DISP3: variants seen among roughly 807,000 people sequenced by gnomAD.
DISP3 encodes the protein protein dispatched homolog 3.
In DISP3, 101 loss-of-function variants were observed where a neutral mutation model predicts 135.3. The observed-to-expected ratio is 0.75, with a 90% CI of 0.64 to 0.88. DISP3 has a LOEUF of 0.88. DISP3 is among the 40% of genes least tolerant of loss of function. The pLI, the probability that DISP3 is intolerant of heterozygous loss-of-function variation, is 0.00. For synonymous variants in DISP3, 856 were observed against 817.0 expected (o/e 1.05, Z -0.81); for missense variants, 1,713 against 1,878.6 (o/e 0.91, Z 1.63).
At chr1:11,535,343 C>A in intron 19 of DISP3, 135 bp from the exon 20 acceptor site, 1 of 1,288,476 alleles carries the variant, frequency 7.8e-7, no homozygotes, top group South Asian at 1.4e-5. Context: ...CACCTGTCCC[C>A]TCCCTCAGGG....
At chr1:11,522,552 ACCCAGCCAGAG>A (rs1221573970) in intron 10 of DISP3, among the ~76,000 whole-genome samples, 5 of 125,728 alleles carry the variant, frequency 4.0e-5, no homozygotes, top group Admixed American at 8.6e-5. Context: ...CCCAGCCAGG[ACCCAGCCAGAG>A]CCCAGCCAGG....
In DISP3 at chr1:11,501,176, A is replaced by T. The variant is rs1470092482; in HGVS notation, c.184A>T (p.Ser62Cys). 10 of 1,613,762 alleles carry T rather than the reference A, an allele frequency of 6.2e-6. No individual in the cohort carries two copies. The highest frequency in any genetic ancestry group is 8.5e-6 in the Non-Finnish European group (10 of 1,179,942). The change falls in exon 2 of 21, where the codon AGT becomes TGT. Residue 62 changes from serine to cysteine, a missense_variant. Physicochemically the swap from Ser to Cys is moderately radical, Grantham distance 112. Coordinates refer to ENST00000294484, the MANE Select transcript of DISP3 (RefSeq NM_020780.2). The surrounding 1 kb of genome is among the most constrained non-coding windows in gnomAD (Gnocchi z 4.9). ...ASRPPASGFWSTLGWAFTNPC... is the reference protein window; with the variant it reads ...ASRPPASGFWCTLGWAFTNPC... The stretch of plus-strand genomic sequence containing the variant: ...CCGACCCCCAGCTTCGGGCTTCTGG[A>T]GTACCCTGGGCTGGGCCTTCACCAA...
rs1049853747 is a variant in DISP3, at chr1:11,491,167, C to T, written c.-3-9823C>T. 3.3e-5 allele frequency among the ~76,000 whole-genome samples: 5 copies of T among 152,272 alleles called. No homozygotes were observed. Among genetic ancestry groups the T allele is most frequent in the East Asian group, 1.9e-4 (1 of 5,178 alleles). On this transcript the variant is annotated intron_variant, in intron 1 of 20. Coordinates refer to ENST00000294484, the MANE Select transcript of DISP3 (RefSeq NM_020780.2). This position sits in a 1 kb window ranked among gnomAD's most constrained non-coding sequence, Gnocchi z 4.3. Reference sequence around the variant, plus strand: ...GACCTCCAGGGACACATGTGAGCCACGGTGGAGGGATGTGGGGAGGCCAAG... The same window carrying T: ...GACCTCCAGGGACACATGTGAGCCATGGTGGAGGGATGTGGGGAGGCCAAG...
chr1:11,479,378 T>A lies in DISP3; in HGVS notation c.-4+6T>A, dbSNP rs1031220138. The A allele has an allele frequency of 2.6e-5, 4 of 152,754 alleles. No individual in the cohort carries two copies. The highest frequency in any genetic ancestry group is 9.7e-5 in the African/African-American group (4 of 41,294). 9.5% of individuals were successfully genotyped at this position (152,754 alleles called of 1,614,324 possible). A position where few individuals can be genotyped will look rare whatever the true frequency, so the allele number is the denominator to read the frequency against. On this transcript the variant is annotated splice_donor_region_variant and intron_variant, in intron 1 of 20. Coordinates refer to ENST00000294484, the MANE Select transcript of DISP3 (RefSeq NM_020780.2). ...GCCCCGTTCGGCCGGCCGAGGTGAG[T>A]GCACGGCCGCGGGGCGCCATCCGGG...
At chr1:11,493,466 T>C (rs933879199) in intron 1 of DISP3, among the ~76,000 whole-genome samples, 5 of 152,236 alleles carry the variant, frequency 3.3e-5, no homozygotes, top group African/African-American at 1.2e-4. Flanking sequence ...GGCTCACTCC[T>C]GTAATCCTAG....
At chr1:11,517,945 G>A (rs566686977) in intron 7 of DISP3, among the ~76,000 whole-genome samples, 50 of 152,322 alleles carry the variant, frequency 3.3e-4, no homozygotes, top group Non-Finnish European at 4.7e-4. Flanking sequence ...TTAGTAGGCA[G>A]TAGAGCCTGG....
chr1:11,503,970 C>T (rs1367280071), intron 3 of DISP3, among the ~76,000 whole-genome samples: 1 of 152,116 alleles, frequency 6.6e-6, no homozygotes, highest in African/African-American at 2.4e-5. Context: ...GGTCCCTCCC[C>T]ACCAGAACAG....
chr1:11,526,298 C>T (rs967755850), intron 12 of DISP3, among the ~76,000 whole-genome samples: 1 of 152,236 alleles, frequency 6.6e-6, no homozygotes, highest in Non-Finnish European at 1.5e-5. Flanking sequence ...CCTCCTCTCC[C>T]TGCCATTTAT....
At chr1:11,514,673 A>T in intron 4 of DISP3, 147 bp downstream of exon 4, 1 of 1,169,936 alleles carries the variant, frequency 8.5e-7, no homozygotes, top group Non-Finnish European at 1.2e-6. Context: ...ATCATCTTCC[A>T]ACCCCAAACA....
chr1:11,524,078 G>A (rs780358590), intron 11 of DISP3, 23 bp downstream of exon 11: 3 of 1,539,130 alleles, frequency 1.9e-6, no homozygotes, highest in Admixed American at 3.3e-5. Flanking sequence ...GGTGGAGGGT[G>A]GGGAAATCCT....
chr1:11,510,142 G>C (rs530557480), intron 3 of DISP3, among the ~76,000 whole-genome samples: 1 of 152,168 alleles, frequency 6.6e-6, no homozygotes, highest in East Asian at 1.9e-4. Context: ...GATACTTTCT[G>C]CCTTTTACTT....
intron 3 of DISP3, among the ~76,000 whole-genome samples, chr1:11,508,817 AC>A (rs1282570691): frequency 1.3e-5 from 2 of 152,150 alleles, no homozygotes; most frequent in Admixed American, 1.3e-4. Context: ...TTTAAAATGT[AC>A]AATTAACTTA....
At chr1:11,508,089 CAT>C (rs200414992) in intron 3 of DISP3, among the ~76,000 whole-genome samples, 1,573 of 152,266 alleles carry the variant, frequency 0.01, 23 homozygotes, top group African/African-American at 0.036. Context: ...TTAGTTTTGA[CAT>C]GTGTGTATAC....
intron 1 of DISP3, among the ~76,000 whole-genome samples, chr1:11,486,281 T>G (rs111608325): frequency 0.016 from 2,360 of 152,228 alleles, 59 homozygotes; most frequent in African/African-American, 0.054. Context: ...TCTTGTGACT[T>G]CACAAAGGCA....
chr1:11,524,091 C>A, intron 11 of DISP3, 36 bp downstream of exon 11: 1 of 1,487,586 alleles, frequency 6.7e-7, no homozygotes. Context: ...GAAATCCTCC[C>A]TGGTGCTAGG....
In DISP3 at chr1:11,531,008, G is replaced by T; in HGVS notation, c.3204G>T (p.Pro1068=). The T allele has an allele frequency of 1.2e-6, 2 of 1,613,872 alleles. No individual in the cohort carries two copies. Among genetic ancestry groups the T allele is most frequent in the Non-Finnish European group, 1.7e-6 (2 of 1,179,988 alleles). Reference sequence around the variant, plus strand: ...CAGCCAACTCCGAGCTGGTGAAGCCGGGTGGGGCCCAGTGCCTGCCTTCAG... The same window carrying T: ...CAGCCAACTCCGAGCTGGTGAAGCCTGGTGGGGCCCAGTGCCTGCCTTCAG... ...AIAANSELVK[P]GGAQCLPSGY... The change falls in exon 16 of 21, where the codon CCG becomes CCT. Residue 1068 remains proline, a synonymous_variant. Transcript: ENST00000294484. This position sits in a 1 kb window ranked among gnomAD's most constrained non-coding sequence, Gnocchi z 5.2.
At position 11,483,065 on chromosome 1, in the gene DISP3, A is replaced by G. The variant is rs1423040988; in HGVS notation, c.-4+3693A>G. On this transcript the variant is annotated intron_variant, in intron 1 of 20. Coordinates refer to ENST00000294484, the MANE Select transcript of DISP3 (RefSeq NM_020780.2). The surrounding 1 kb of genome is among the most constrained non-coding windows in gnomAD (Gnocchi z 5.4). ...CGGCTCACGCTGCAGCTGCCCAACAAAGGCCGGAGGCATGGATGCTGCGGG... is the reference window on the plus strand; with the variant it reads ...CGGCTCACGCTGCAGCTGCCCAACAGAGGCCGGAGGCATGGATGCTGCGGG... 6.6e-6 allele frequency among the ~76,000 whole-genome samples: 1 copy of G among 152,224 alleles called. No individual in the cohort carries two copies. Among genetic ancestry groups the G allele is most frequent in the African/African-American group, 2.4e-5 (1 of 41,460 alleles).
chr1:11,487,339 G>C (rs1641065169), intron 1 of DISP3, among the ~76,000 whole-genome samples: 2 of 152,208 alleles, frequency 1.3e-5, no homozygotes, highest in Non-Finnish European at 1.5e-5. Flanking sequence ...AGGGGACATG[G>C]AGAACGGGCA....
chr1:11,536,198 A>T lies in DISP3; in HGVS notation c.3817-126A>T, dbSNP rs1642702043. On this transcript the variant is annotated intron_variant, in intron 20 of 20. Coordinates refer to ENST00000294484, the MANE Select transcript of DISP3 (RefSeq NM_020780.2). The surrounding 1 kb of genome is among the most constrained non-coding windows in gnomAD (Gnocchi z 4.3). ...CCTACCCTCCCAACCCTGGGAGGCC[A>T]CTTGCAGCTCTCATCCCAGTAACAG... 2 of 1,380,644 alleles carry T rather than the reference A, an allele frequency of 1.4e-6. No homozygotes were observed. Among genetic ancestry groups the T allele is most frequent in the African/African-American group, 2.9e-5 (2 of 68,640 alleles). The allele number at this position is 1,380,644 out of a possible 1,614,324, so 85.5% of individuals were successfully genotyped here. A position where few individuals can be genotyped will look rare whatever the true frequency, so the allele number is the denominator to read the frequency against.
Sources: allele counts gnomAD v4.1 joint callset (sites outside exome capture counted in the v4.1 genomes callset), GRCh38; gene constraint gnomAD v4.1.1; non-coding constraint Gnocchi (gnomAD v3.1); transcripts MANE v1.5; gene names NCBI Gene and HGNC (gene_info 2026-07-23, HGNC 2026-07-21).